The following HS3ST4 variants were observed in gnomAD, a reference collection of about 807,000 sequenced individuals.
The protein encoded by HS3ST4 is heparan sulfate-glucosamine 3-sulfotransferase 4.
In HS3ST4, 17 loss-of-function variants were observed where a neutral mutation model predicts 29.2. That is an observed-to-expected ratio of 0.58 (90% CI 0.40 to 0.87). The LOEUF is 0.87. Among genes scored for constraint, HS3ST4 ranks in the 40% least tolerant of loss-of-function variants. The pLI, the probability that HS3ST4 is intolerant of heterozygous loss-of-function variation, is 0.00. For missense variants in HS3ST4, 627 were observed against 634.5 expected (o/e 0.99, Z 0.13); for synonymous variants, 314 against 285.7 (o/e 1.10, Z -1.00).
intron 1 of HS3ST4, among the ~76,000 whole-genome samples, chr16:26,022,271 G>A (rs960588565): frequency 3.3e-5 from 5 of 152,140 alleles, no homozygotes; most frequent in Admixed American, 6.5e-5. Flanking sequence ...AACCAGCTAA[G>A]TTCTCTTCTC....
At chr16:25,711,813 T>C (rs1966417585) in intron 1 of HS3ST4, among the ~76,000 whole-genome samples, 1 of 152,124 alleles carries the variant, frequency 6.6e-6, no homozygotes, top group African/African-American at 2.4e-5. Flanking sequence ...CATTTTTTCC[T>C]GTACTATCAG....
chr16:25,750,256 A>G (rs1330549370), intron 1 of HS3ST4, among the ~76,000 whole-genome samples: 2 of 152,192 alleles, frequency 1.3e-5, no homozygotes, highest in Admixed American at 1.3e-4. Flanking sequence ...AGAGTAGTCC[A>G]ACTTCTTAGA....
intron 1 of HS3ST4, among the ~76,000 whole-genome samples, chr16:26,115,460 G>T (rs551498350): frequency 6.6e-6 from 1 of 152,220 alleles, no homozygotes; most frequent in African/African-American, 2.4e-5. Flanking sequence ...GACAGTCAGG[G>T]ACAGAGCTTT....
intron 1 of HS3ST4, among the ~76,000 whole-genome samples, chr16:25,728,328 C>A (rs553853204): frequency 6.6e-6 from 1 of 152,230 alleles, no homozygotes; most frequent in Admixed American, 6.5e-5. Flanking sequence ...TTATTATATT[C>A]AGCTTTTAGA....
At chr16:25,985,782 C>T (rs1475987006) in intron 1 of HS3ST4, among the ~76,000 whole-genome samples, 1 of 152,080 alleles carries the variant, frequency 6.6e-6, no homozygotes, top group East Asian at 1.9e-4. Flanking sequence ...AACCGCTGGG[C>T]TCAAGTGATC....
chr16:25,898,473 C>T (rs1007960426), intron 1 of HS3ST4, among the ~76,000 whole-genome samples: 3 of 152,144 alleles, frequency 2.0e-5, no homozygotes, highest in Non-Finnish European at 4.4e-5. Context: ...CATGGTTTTA[C>T]GATGTAAGGA....
chr16:25,930,946 G>T (rs8061045), intron 1 of HS3ST4, among the ~76,000 whole-genome samples: 2,927 of 152,032 alleles, frequency 0.019, 124 homozygotes, highest in African/African-American at 0.068. Flanking sequence ...GCTAATTTTT[G>T]TGTTTTTTAT....
chr16:25,978,539 T>C (rs1968968072), intron 1 of HS3ST4, among the ~76,000 whole-genome samples: 1 of 152,256 alleles, frequency 6.6e-6, no homozygotes, highest in African/African-American at 2.4e-5. Flanking sequence ...GCATGTGGAA[T>C]AGTAACCAAA....
At chr16:25,763,192 G>T (rs1488187089) in intron 1 of HS3ST4, among the ~76,000 whole-genome samples, 1 of 152,170 alleles carries the variant, frequency 6.6e-6, no homozygotes, top group Non-Finnish European at 1.5e-5. Context: ...GTCATGTGAG[G>T]TCTAAGAGTT....
At chr16:26,114,616 G>A (rs1024439986) in intron 1 of HS3ST4, among the ~76,000 whole-genome samples, 8 of 152,164 alleles carry the variant, frequency 5.3e-5, no homozygotes, top group African/African-American at 1.7e-4. Context: ...CCTGCAACAG[G>A]GAGCAGAGCA....
chr16:25,865,078 T>G (rs1267692192), intron 1 of HS3ST4, among the ~76,000 whole-genome samples: 2 of 152,164 alleles, frequency 1.3e-5, no homozygotes, highest in Non-Finnish European at 2.9e-5. Flanking sequence ...ATTTCATATC[T>G]TGGCTATTGG....
chr16:25,781,052 C>G (rs1180704381), intron 1 of HS3ST4, among the ~76,000 whole-genome samples: 1 of 152,136 alleles, frequency 6.6e-6, no homozygotes, highest in East Asian at 1.9e-4. Context: ...AGACTTTGGA[C>G]TTGGTTTATT....
chr16:25,766,400 A>G (rs1966819371), intron 1 of HS3ST4, among the ~76,000 whole-genome samples: 1 of 152,190 alleles, frequency 6.6e-6, no homozygotes, highest in South Asian at 2.1e-4. Context: ...CAGAGATTTT[A>G]GTTATTGGAG....
chr16:26,120,114 T>C (rs780360819), intron 1 of HS3ST4, among the ~76,000 whole-genome samples: 13 of 151,804 alleles, frequency 8.6e-5, no homozygotes, highest in Non-Finnish European at 1.5e-4. Flanking sequence ...ACAGATACTC[T>C]ACAGGGAATT....
intron 1 of HS3ST4, among the ~76,000 whole-genome samples, chr16:25,867,407 G>T (rs1345294690): frequency 1.3e-5 from 2 of 152,146 alleles, no homozygotes; most frequent in African/African-American, 4.8e-5. Context: ...TCTTAGATTT[G>T]AAACTCTCCC....
Position 26,061,255 on chromosome 16 carries a change from G to A in HS3ST4, c.735-74357G>A, listed in dbSNP as rs190676610. ...AGATGCCTCTTTGCCATCTCAAAAAGCACTAATAAATTAGTTGAGCATGAC... is the reference window on the plus strand; with the variant it reads ...AGATGCCTCTTTGCCATCTCAAAAAACACTAATAAATTAGTTGAGCATGAC... On this transcript the variant is annotated intron_variant, in intron 1 of 1. Transcript: ENST00000331351. 1.9e-3 allele frequency among the ~76,000 whole-genome samples: 291 copies of A among 152,274 alleles called. 3 individuals are homozygous for A. The highest frequency in any genetic ancestry group is 6.8e-3 in the African/African-American group (282 of 41,554).
At chr16:25,799,028 C>T (rs2141623195) in intron 1 of HS3ST4, among the ~76,000 whole-genome samples, 1 of 152,300 alleles carries the variant, frequency 6.6e-6, no homozygotes, top group South Asian at 2.1e-4. Flanking sequence ...GGTATATAAG[C>T]AGCAAGAATG....
At chr16:25,752,854 C>T (rs1966730920) in intron 1 of HS3ST4, among the ~76,000 whole-genome samples, 2 of 152,178 alleles carry the variant, frequency 1.3e-5, no homozygotes, top group Admixed American at 1.3e-4. Context: ...TGGGGCCCTG[C>T]AATTACAGAT....
chr16:26,135,795 C>A lies in HS3ST4; in HGVS notation c.918C>A (p.Pro306=). The A allele has an allele frequency of 6.2e-7, 1 of 1,614,092 alleles. No individual in the cohort carries two copies. The highest frequency in any genetic ancestry group is 8.5e-7 in the Non-Finnish European group (1 of 1,179,972). The change falls in exon 2 of 2, where the codon CCC becomes CCA. Residue 306 remains proline (P), a synonymous_variant. Transcript: ENST00000331351. ...ACACGCAGACACTGTCAAAGAAACC[C>A]GAGATCCCCACCTTTGAGGTGCTGG... The part of the protein sequence containing the change: ...SDYTQTLSKK[P]EIPTFEVLAF...
Sources: gnomAD v4.1 joint callset for allele counts (sites outside exome capture counted in the v4.1 genomes callset) on GRCh38, gnomAD v4.1.1 for gene constraint, MANE v1.5 for transcripts, NCBI Gene and HGNC (gene_info 2026-07-23, HGNC 2026-07-21) for gene names.